Variants in AFTPH observed in about 807,000 individuals in gnomAD.
The protein encoded by AFTPH is aftiphilin protein.
In AFTPH, 7 loss-of-function variants were observed where a neutral mutation model predicts 72.5. That is an observed-to-expected ratio of 0.10 (90% confidence interval 0.05 to 0.18). The LOEUF is 0.18. AFTPH is among the 10% of genes least tolerant of loss of function. The pLI, the probability that AFTPH is intolerant of heterozygous loss-of-function variation, is 1.00. For synonymous variants in AFTPH, 337 were observed against 370.1 expected (o/e 0.91, Z 1.03); for missense variants, 979 against 1,060.5 (o/e 0.92, Z 1.07).
chr2:64,554,945 A>G (rs1671267404), intron 2 of AFTPH, among the ~76,000 whole-genome samples: 1 of 152,222 alleles, frequency 6.6e-6, no homozygotes, highest in Non-Finnish European at 1.5e-5. Context: ...AATTTCTTGC[A>G]TCATACAAGT....
At chr2:64,590,383 G>A (rs1051760913) in intron 8 of AFTPH, among the ~76,000 whole-genome samples, 3 of 152,034 alleles carry the variant, frequency 2.0e-5, no homozygotes, top group African/African-American at 7.2e-5. Context: ...TAAATATTTT[G>A]GCTAGAATGC....
chr2:64,588,963 G>T (rs1457194716), intron 8 of AFTPH, among the ~76,000 whole-genome samples: 1 of 152,172 alleles, frequency 6.6e-6, no homozygotes, highest in Non-Finnish European at 1.5e-5. Flanking sequence ...TGGATACTAA[G>T]CCTTTATCAG....
At chr2:64,535,742 A>T (rs1222387199) in intron 1 of AFTPH, among the ~76,000 whole-genome samples, 1 of 147,442 alleles carries the variant, frequency 6.8e-6, no homozygotes, top group South Asian at 2.2e-4. Flanking sequence ...TTCTTTGGAC[A>T]TATAAGAACA....
intron 1 of AFTPH, among the ~76,000 whole-genome samples, chr2:64,547,063 A>G (rs574387551): frequency 2.6e-5 from 4 of 152,134 alleles, no homozygotes; most frequent in South Asian, 2.1e-4. Context: ...AAATACATAC[A>G]TACATACATA....
At chr2:64,568,675 T>C (rs2104058046) in intron 3 of AFTPH, among the ~76,000 whole-genome samples, 1 of 152,342 alleles carries the variant, frequency 6.6e-6, no homozygotes. Context: ...GCTGGAGTGA[T>C]CTCAGCTCAC....
intron 6 of AFTPH, among the ~76,000 whole-genome samples, chr2:64,578,305 G>A (rs1034645299): frequency 2.6e-5 from 4 of 152,122 alleles, no homozygotes; most frequent in Non-Finnish European, 5.9e-5. Context: ...ACAATAAAGC[G>A]TAGTGGTAAG....
intron 8 of AFTPH, among the ~76,000 whole-genome samples, chr2:64,588,352 T>C (rs915587718): frequency 6.6e-6 from 1 of 152,222 alleles, no homozygotes; most frequent in Admixed American, 6.5e-5. Context: ...AGTTGATAAT[T>C]GGGTTGTTTT....
chr2:64,583,334 C>A (rs2104213909), intron 7 of AFTPH, among the ~76,000 whole-genome samples: 1 of 141,384 alleles, frequency 7.1e-6, no homozygotes, highest in African/African-American at 2.6e-5. Context: ...AAAAAAAGAC[C>A]TTCCATTAAA....
intron 1 of AFTPH, among the ~76,000 whole-genome samples, chr2:64,530,326 G>A (rs917145081): frequency 1.3e-5 from 2 of 152,020 alleles, no homozygotes; most frequent in East Asian, 3.9e-4. Flanking sequence ...TAATATTCAA[G>A]GCCATATTCA....
intron 1 of AFTPH, among the ~76,000 whole-genome samples, chr2:64,546,845 T>C (rs899170957): frequency 4.5e-4 from 63 of 139,322 alleles, no homozygotes; most frequent in South Asian, 8.9e-4. Flanking sequence ...CCATCCTGGC[T>C]AACACAGTGA....
At chr2:64,585,683 C>T in intron 8 of AFTPH, 138 bp downstream of exon 9, 1 of 887,358 alleles carries the variant, frequency 1.1e-6, no homozygotes. Context: ...TGCCCAAGTC[C>T]AGAAAATATT....
chr2:64,557,314 G>T (rs970386179), intron 2 of AFTPH, among the ~76,000 whole-genome samples: 31 of 152,102 alleles, frequency 2.0e-4, no homozygotes, highest in Non-Finnish European at 4.4e-5. Context: ...TATTAATTGG[G>T]TATAGAAAAG....
At chr2:64,549,401 A>ATC (rs1273169388) in intron 1 of AFTPH, among the ~76,000 whole-genome samples, 1 of 132,678 alleles carries the variant, frequency 7.5e-6, no homozygotes, top group Admixed American at 9.4e-5. Flanking sequence ...CCTCATTGCA[A>ATC]TCTCCACCTC....
chr2:64,542,248 C>A (rs1449372246), intron 1 of AFTPH, among the ~76,000 whole-genome samples: 1 of 152,116 alleles, frequency 6.6e-6, no homozygotes, highest in Non-Finnish European at 1.5e-5. Flanking sequence ...CACTCCACCC[C>A]CCTCAAATGT....
At chr2:64,542,380 A>G (rs1249500683) in intron 1 of AFTPH, among the ~76,000 whole-genome samples, 1 of 152,130 alleles carries the variant, frequency 6.6e-6, no homozygotes, top group East Asian at 1.9e-4. Context: ...CCCACATGTG[A>G]TGAATCTTTT....
intron 1 of AFTPH, among the ~76,000 whole-genome samples, chr2:64,535,128 GT>G (rs1474838145): frequency 2.0e-5 from 3 of 152,100 alleles, no homozygotes; most frequent in Admixed American, 1.3e-4. Flanking sequence ...AAACATTTTT[GT>G]AGGAAAAAGT....
chr2:64,541,035 G>A (rs1030426310), intron 1 of AFTPH, among the ~76,000 whole-genome samples: 1 of 152,066 alleles, frequency 6.6e-6, no homozygotes, highest in Non-Finnish European at 1.5e-5. Context: ...TGATTAACTT[G>A]TGATTAATTC....
At chr2:64,546,761 A>G (rs925644455) in intron 1 of AFTPH, among the ~76,000 whole-genome samples, 1 of 152,026 alleles carries the variant, frequency 6.6e-6, no homozygotes, top group Non-Finnish European at 1.5e-5. Flanking sequence ...AAGGCTGGGC[A>G]TGGTGGCTCA....
intron 2 of AFTPH, among the ~76,000 whole-genome samples, chr2:64,557,564 A>G (rs1009365580): frequency 3.3e-5 from 5 of 152,158 alleles, no homozygotes; most frequent in African/African-American, 7.2e-5. Flanking sequence ...ACTGCAGCCT[A>G]TGCCTCCTGA....
Sources: gnomAD v4.1 joint callset for allele counts (sites outside exome capture counted in the v4.1 genomes callset) on GRCh38, gnomAD v4.1.1 for gene constraint, MANE v1.5 for transcripts, NCBI Gene and HGNC (gene_info 2026-07-23, HGNC 2026-07-21) for gene names.